KAT7: variants seen among roughly 807,000 people sequenced by gnomAD.
KAT7 encodes the protein histone acetyltransferase KAT7.
KAT7 carries 10 observed loss-of-function variants against 82.1 expected under a neutral mutation model. That is an observed-to-expected ratio of 0.12 (90% CI 0.08 to 0.21). The LOEUF (loss-of-function observed/expected upper bound fraction) is 0.21. Among genes scored for constraint, KAT7 ranks in the 10% least tolerant of loss-of-function variants. KAT7 has a pLI of 1.00. For missense variants in KAT7, 378 were observed against 760.9 expected (o/e 0.50, Z 5.92); for synonymous variants, 250 against 262.5 (o/e 0.95, Z 0.46).
chr17:49,826,557 C>T (rs947049708), intron 13 of KAT7, 136 bp from the exon 14 acceptor site: 6 of 659,420 alleles, frequency 9.1e-6, no homozygotes, highest in South Asian at 8.8e-5. Context: ...TTTGTAAACT[C>T]CTTCTAAACA....
intron 11 of KAT7, 55 bp downstream of exon 11, chr17:49,821,845 T>A (rs1598087044): frequency 6.4e-7 from 1 of 1,561,616 alleles, no homozygotes; most frequent in East Asian, 2.2e-5. Context: ...TGATCCATGT[T>A]CGCAGTTGGG....
intron 11 of KAT7, 32 bp from the exon 12 acceptor site, chr17:49,823,168 CAT>C (rs1313967088): frequency 8.3e-7 from 1 of 1,209,126 alleles, no homozygotes. Flanking sequence ...TTCAAATCCT[CAT>C]GACGTGTTCA....
intron 11 of KAT7, 109 bp downstream of exon 11, chr17:49,821,899 T>A: frequency 1.1e-6 from 1 of 899,342 alleles, no homozygotes; most frequent in Admixed American, 2.4e-5. Context: ...TGGGCAATGA[T>A]GACACCCCTT....
chr17:49,820,252 A>G (rs989523791), intron 9 of KAT7, among the ~76,000 whole-genome samples: 4 of 152,138 alleles, frequency 2.6e-5, no homozygotes, highest in Admixed American at 6.5e-5. Flanking sequence ...TCAAAAAAAA[A>G]AACTTTTTTT....
In KAT7 at chr17:49,796,937, A is replaced by G. The variant is rs758919960; in HGVS notation, c.340+11A>G. 4 of 1,612,890 alleles carry G rather than the reference A, an allele frequency of 2.5e-6. No homozygotes were observed. Among genetic ancestry groups the G allele is most frequent in the South Asian group, 1.1e-5 (1 of 91,048 alleles). ...ATTTTTCAGATAGAGGTGAGTGGGT[A>G]TGGTATGACTTAGACCTATTACAGA... On this transcript the variant is annotated intron_variant, in intron 3 of 14. Transcript: ENST00000259021.
chr17:49,826,314 G>A, intron 13 of KAT7, 168 bp downstream of exon 13: 1 of 608,208 alleles, frequency 1.6e-6, no homozygotes, highest in Non-Finnish European at 2.8e-6. Flanking sequence ...CCTGGGAATG[G>A]TTATTAATTG....
intron 8 of KAT7, among the ~76,000 whole-genome samples, chr17:49,817,067 T>C (rs1262641599): frequency 6.6e-6 from 1 of 152,196 alleles, no homozygotes; most frequent in Non-Finnish European, 1.5e-5. Flanking sequence ...TTTTTCTAAG[T>C]GACCATTGTG....
chr17:49,814,282 A>T (rs2074206167), intron 7 of KAT7, among the ~76,000 whole-genome samples: 1 of 152,140 alleles, frequency 6.6e-6, no homozygotes. Flanking sequence ...TTGTGGGGTG[A>T]ATTTGTAGTT....
At position 49,800,483 on chromosome 17, in the gene KAT7, G is replaced by C. The variant is rs73337004; in HGVS notation, c.580+1925G>C. Among the ~76,000 whole-genome samples, 119 of 152,300 alleles carry C rather than the reference G, an allele frequency of 7.8e-4. 1 individual carries two copies. Among genetic ancestry groups the C allele is most frequent in the African/African-American group, 2.7e-3 (114 of 41,548 alleles). On this transcript the variant is annotated intron_variant, in intron 4 of 14. Transcript: ENST00000259021. ...CTAAGAAAGACAATATATTACACTA[G>C]TAGATGATATGATGGCTAATGTGCT...
At chr17:49,803,988 C>G (rs2074058622) in intron 4 of KAT7, among the ~76,000 whole-genome samples, 1 of 151,242 alleles carries the variant, frequency 6.6e-6, no homozygotes, top group African/African-American at 2.4e-5. Context: ...TGACCCCTTT[C>G]AATCTTAGGT....
At chr17:49,805,543 G>GGTA in intron 5 of KAT7, 98 bp downstream of exon 5, 2 of 733,198 alleles carry the variant, frequency 2.7e-6, no homozygotes, top group Non-Finnish European at 4.6e-6. Flanking sequence ...CAACAAGATG[G>GGTA]GTAGGGTCCT....
chr17:49,823,382 C>T (rs2074329439), intron 12 of KAT7, 87 bp downstream of exon 12: 1 of 764,594 alleles, frequency 1.3e-6, no homozygotes, highest in Non-Finnish European at 2.3e-6. Flanking sequence ...CTCTGCAATT[C>T]CTGGAATATA....
In KAT7 at chr17:49,821,288, T is replaced by C. The variant is rs745812894; in HGVS notation, c.1156-49T>C. 4 of 1,394,740 alleles carry C rather than the reference T, an allele frequency of 2.9e-6. No individual in the cohort carries two copies. The South Asian group carries it at 4.7e-5, about 16-fold the overall frequency. The allele number at this position is 1,394,740 out of a possible 1,614,324, so 86.4% of individuals were successfully genotyped here. A position where few individuals can be genotyped will look rare whatever the true frequency, so the allele number is the denominator to read the frequency against. On this transcript the variant is annotated intron_variant, in intron 9 of 14. Coordinates refer to ENST00000259021, the MANE Select transcript of KAT7 (RefSeq NM_007067.5). Reference sequence around the variant, plus strand: ...ATTCCTTTTCCCTTTTGAGGAGCAGTCTTGTTGGGAGGCTTTGGTTCCCTG... The same window carrying C: ...ATTCCTTTTCCCTTTTGAGGAGCAGCCTTGTTGGGAGGCTTTGGTTCCCTG...
chr17:49,804,315 C>G (rs1002345635), intron 4 of KAT7, among the ~76,000 whole-genome samples: 4 of 151,302 alleles, frequency 2.6e-5, no homozygotes, highest in African/African-American at 9.7e-5. Context: ...GGAGGCGGAA[C>G]TTGCAGTGAG....
intron 7 of KAT7, among the ~76,000 whole-genome samples, chr17:49,813,273 G>A (rs1176753179): frequency 6.6e-6 from 1 of 152,118 alleles, no homozygotes. Flanking sequence ...AGAACATGCT[G>A]TGTTTGGTTT....
chr17:49,826,276 G>A, intron 13 of KAT7, 130 bp downstream of exon 13: 1 of 875,808 alleles, frequency 1.1e-6, no homozygotes, highest in Non-Finnish European at 1.7e-6. Flanking sequence ...CCTCACTAAA[G>A]CTGCCTAGGA....
chr17:49,788,960 A>G (rs2073845140), intron 1 of KAT7, 111 bp downstream of exon 1: 3 of 1,030,956 alleles, frequency 2.9e-6, no homozygotes, highest in Non-Finnish European at 4.1e-6. Context: ...CGCTCCCCCG[A>G]ACCTTGTTCA....
chr17:49,827,270 T>A (rs2074379668), intron 14 of KAT7, 131 bp from the exon 15 acceptor site: 1 of 626,524 alleles, frequency 1.6e-6, no homozygotes. Flanking sequence ...CAAAATATAG[T>A]ATTTTTTTTG....
At chr17:49,814,931 CCACTT>C (rs1405198196) in intron 7 of KAT7, 1 of 152,148 alleles carries the variant, frequency 6.6e-6, no homozygotes, top group Non-Finnish European at 1.5e-5. Context: ...GCCATCCACT[CCACTT>C]AACTACCATT....
Sources: gnomAD v4.1 joint callset for allele counts (sites outside exome capture counted in the v4.1 genomes callset) on GRCh38, gnomAD v4.1.1 for gene constraint, MANE v1.5 for transcripts, NCBI Gene and HGNC (gene_info 2026-07-23, HGNC 2026-07-21) for gene names.